The following TTC27 variants were observed in gnomAD, a reference collection of about 807,000 sequenced individuals.
TTC27 encodes tetratricopeptide repeat domain 27.
A neutral mutation model predicts 115.9 loss-of-function variants in TTC27; 79 were observed. The ratio of observed to expected loss-of-function variants is 0.68; its 90% confidence interval spans 0.57 to 0.82. The LOEUF is 0.82. Among genes scored for constraint, TTC27 ranks in the 40% least tolerant of loss-of-function variants. The pLI, the probability that TTC27 is intolerant of heterozygous loss-of-function variation, is 0.00. For missense variants in TTC27, 1,054 were observed against 993.1 expected (o/e 1.06, Z -0.82); for synonymous variants, 401 against 356.0 (o/e 1.13, Z -1.42).
intron 4 of TTC27, among the ~76,000 whole-genome samples, chr2:32,643,015 G>A (rs1330693099): frequency 6.6e-6 from 1 of 152,086 alleles, no homozygotes; most frequent in Non-Finnish European, 1.5e-5. Context: ...TGTCGCCCAG[G>A]CTGGAGTACA....
intron 9 of TTC27, among the ~76,000 whole-genome samples, chr2:32,690,975 G>T (rs1371001298): frequency 6.6e-6 from 1 of 152,184 alleles, no homozygotes; most frequent in Admixed American, 6.5e-5. Context: ...GCACAGGAGA[G>T]CTCTGAGCTG....
At position 32,820,867 on chromosome 2, in the gene TTC27, G is replaced by T; in HGVS notation, c.2461G>T (p.Asp821Tyr). The T allele has an allele frequency of 6.5e-7, 1 of 1,544,458 alleles. No individual in the cohort carries two copies. The highest frequency in any genetic ancestry group is 1.2e-5 in the South Asian group (1 of 83,002). Residue 821 changes from aspartate (D) to tyrosine (Y), a missense_variant, in exon 20 of 20, where the codon GAC becomes TAC. Physicochemically the swap from Asp to Tyr is radical, Grantham distance 160. Coordinates refer to ENST00000317907, the MANE Select transcript of TTC27 (RefSeq NM_017735.5). ...TGEMSRELADDITAMDTLVTE... is the reference protein window; with the variant it reads ...TGEMSRELADYITAMDTLVTE... ...AGAAATGTCCAGGGAATTAGCTGATGACATAACAGCTATGGACACCTTAGT... is the reference window on the plus strand; with the variant it reads ...AGAAATGTCCAGGGAATTAGCTGATTACATAACAGCTATGGACACCTTAGT...
At chr2:32,664,681 C>G (rs1194317729) in intron 6 of TTC27, among the ~76,000 whole-genome samples, 2 of 152,126 alleles carry the variant, frequency 1.3e-5, no homozygotes, top group Non-Finnish European at 2.9e-5. Flanking sequence ...TTGCGCTGAT[C>G]TGTTTAGCCG....
chr2:32,672,227 A>T, intron 7 of TTC27, 45 bp from the exon 8 acceptor site: 1 of 1,441,728 alleles, frequency 6.9e-7, no homozygotes. Context: ...GTGAATGAAT[A>T]AAATTTAATT....
At chr2:32,779,001 A>G (rs2148014027) in intron 14 of TTC27, among the ~76,000 whole-genome samples, 1 of 152,304 alleles carries the variant, frequency 6.6e-6, no homozygotes, top group Non-Finnish European at 1.5e-5. Flanking sequence ...AGGCCGGTGG[A>G]TCACTTGTGG....
intron 16 of TTC27, among the ~76,000 whole-genome samples, chr2:32,799,444 A>G (rs536487586): frequency 6.6e-6 from 1 of 152,358 alleles, no homozygotes; most frequent in African/African-American, 2.4e-5. Flanking sequence ...CTCTCTAAGC[A>G]TCCAGGTCTA....
intron 10 of TTC27, among the ~76,000 whole-genome samples, chr2:32,724,465 A>G (rs1056878161): frequency 1.3e-5 from 2 of 152,130 alleles, no homozygotes; most frequent in Non-Finnish European, 2.9e-5. Flanking sequence ...GCTAGTAGTC[A>G]CTGAATGCCT....
chr2:32,733,150 C>T (rs557871448), intron 10 of TTC27, among the ~76,000 whole-genome samples: 5 of 152,266 alleles, frequency 3.3e-5, no homozygotes, highest in Admixed American at 2.0e-4. Flanking sequence ...TGCAGTTGGC[C>T]CTGGTACCTT....
intron 16 of TTC27, 78 bp from the exon 17 acceptor site, chr2:32,810,946 A>T (rs1177194721): frequency 6.9e-7 from 1 of 1,457,192 alleles, no homozygotes; most frequent in East Asian, 2.3e-5. Context: ...ATTGTCTTTG[A>T]TGATGGTGAG....
At chr2:32,815,037 A>T (rs1671452140) in intron 18 of TTC27, among the ~76,000 whole-genome samples, 1 of 152,134 alleles carries the variant, frequency 6.6e-6, no homozygotes, top group Non-Finnish European at 1.5e-5. Context: ...AGGCCTCCCT[A>T]TAACAATGTC....
chr2:32,770,052 G>A (rs1252430839), intron 13 of TTC27, among the ~76,000 whole-genome samples: 2 of 152,182 alleles, frequency 1.3e-5, no homozygotes, highest in Non-Finnish European at 2.9e-5. Flanking sequence ...TTGGGATTTG[G>A]ATAGGTGGAA....
intron 12 of TTC27, among the ~76,000 whole-genome samples, chr2:32,757,553 G>A (rs745385398): frequency 5.9e-5 from 9 of 152,260 alleles, no homozygotes; most frequent in Middle Eastern, 3.4e-3. Flanking sequence ...AAACAAGTCC[G>A]TCAGCACCAT....
chr2:32,638,666 C>T (rs985250196), intron 3 of TTC27, among the ~76,000 whole-genome samples: 3 of 152,230 alleles, frequency 2.0e-5, no homozygotes, highest in Non-Finnish European at 4.4e-5. Flanking sequence ...GCATGAGCCA[C>T]TGTGCCCGGC....
At chr2:32,737,345 A>G (rs1310783224) in intron 12 of TTC27, among the ~76,000 whole-genome samples, 5 of 152,306 alleles carry the variant, frequency 3.3e-5, no homozygotes, top group East Asian at 1.9e-4. Context: ...TTTTCCCCTC[A>G]TACATGAACA....
chr2:32,768,738 T>C (rs1669722896), intron 13 of TTC27, among the ~76,000 whole-genome samples: 1 of 152,182 alleles, frequency 6.6e-6, no homozygotes, highest in Non-Finnish European at 1.5e-5. Flanking sequence ...GTGGTAAGCA[T>C]GGAAAACATA....
intron 10 of TTC27, among the ~76,000 whole-genome samples, chr2:32,711,113 T>C (rs1480820489): frequency 1.2e-5 from 1 of 80,270 alleles, no homozygotes; most frequent in African/African-American, 6.5e-5. Flanking sequence ...CAAGACTCTG[T>C]CTCAAAAAAA....
chr2:32,788,094 A>G (rs963208613), intron 16 of TTC27, among the ~76,000 whole-genome samples: 12 of 152,172 alleles, frequency 7.9e-5, no homozygotes, highest in African/African-American at 2.9e-4. Context: ...GTTTACTGCA[A>G]TTGTGATTTT....
At chr2:32,710,713 G>C (rs1237707744) in intron 10 of TTC27, among the ~76,000 whole-genome samples, 2 of 151,960 alleles carry the variant, frequency 1.3e-5, no homozygotes, top group Non-Finnish European at 2.9e-5. Flanking sequence ...ACAGACGTGA[G>C]CCACCACGCC....
chr2:32,713,789 C>A (rs1218095044), intron 10 of TTC27, among the ~76,000 whole-genome samples: 1 of 151,990 alleles, frequency 6.6e-6, no homozygotes, highest in Non-Finnish European at 1.5e-5. Flanking sequence ...TTAACTTAGG[C>A]TCAGGGGTAC....
Sources: gnomAD v4.1 joint callset for allele counts (sites outside exome capture counted in the v4.1 genomes callset) on GRCh38, gnomAD v4.1.1 for gene constraint, MANE v1.5 for transcripts, NCBI Gene and HGNC (gene_info 2026-07-23, HGNC 2026-07-21) for gene names.